SAP130: variants seen among roughly 807,000 people sequenced by gnomAD.
SAP130 encodes histone deacetylase complex subunit SAP130.
Under a neutral mutation model 103.2 loss-of-function variants are expected in SAP130, and 16 were observed. That is an observed-to-expected ratio of 0.16 (90% CI 0.10 to 0.24). SAP130 has a LOEUF of 0.24. Among genes scored for constraint, SAP130 ranks in the 10% least tolerant of loss-of-function variants. The pLI is 1.00. For missense variants in SAP130, 990 were observed against 1,359.7 expected, an observed-to-expected ratio of 0.73 and a Z score of 4.28; for synonymous variants, 477 against 497.0, an observed-to-expected ratio of 0.96 and a Z score of 0.53.
At chr2:128,005,411 G>A (rs1208942783) in intron 7 of SAP130, among the ~76,000 whole-genome samples, 1 of 152,070 alleles carries the variant, frequency 6.6e-6, no homozygotes, top group Non-Finnish European at 1.5e-5. Flanking sequence ...GAGGTCAGGA[G>A]TTCGAGACCA....
chr2:127,996,618 AAAAAATG>A lies in SAP130; in HGVS notation c.1214-134_1214-128del, dbSNP rs1277984681. ...ATAAGCCTGGATTTTTAATCAAAATAAAAAATGAAAAATAAGTACAAAGTTCAACAGA... is the reference window on the plus strand; with the variant it reads ...ATAAGCCTGGATTTTTAATCAAAATAAAAAATAAGTACAAAGTTCAACAGA... On this transcript the variant is annotated intron_variant, in intron 10 of 20. Coordinates refer to ENST00000643581, the MANE Select transcript of SAP130 (RefSeq NM_001330301.2). The surrounding 1 kb of genome is among the most constrained non-coding windows in gnomAD (Gnocchi z 4.3). The A allele has an allele frequency of 1.2e-5, 10 of 845,634 alleles. No individual in the cohort carries two copies. Among genetic ancestry groups the A allele is most frequent in the Middle Eastern group, 3.8e-4 (1 of 2,654 alleles). 52.4% of individuals were successfully genotyped at this position (845,634 alleles called of 1,614,324 possible).
rs772208927 is a variant in SAP130, at chr2:128,000,069, T to C, written c.1095A>G (p.Ser365=). ...APILATNTIP[S]ATTAGSVSHT... ...TCGTGGACTTACCAGCTGTGGTCGCTGAAGGAATGGTGTTGGTTGCCAAAA... is the reference window on the plus strand; with the variant it reads ...TCGTGGACTTACCAGCTGTGGTCGCCGAAGGAATGGTGTTGGTTGCCAAAA... The change falls in exon 9 of 21, where the codon TCA becomes TCG. Residue 365 remains serine (S), a synonymous_variant. Coordinates refer to ENST00000643581, the MANE Select transcript of SAP130 (RefSeq NM_001330301.2). The C allele has an allele frequency of 3.1e-6, 5 of 1,614,082 alleles. No homozygotes were observed. In the East Asian group the frequency reaches 1.1e-4, roughly 36 times the overall value.
chr2:128,019,986 ATTT>A (rs932425342), intron 2 of SAP130, among the ~76,000 whole-genome samples: 11 of 152,048 alleles, frequency 7.2e-5, no homozygotes, highest in African/African-American at 2.4e-4. Flanking sequence ...TTCCAAAATA[ATTT>A]TTTTTCTGAG....
chr2:127,996,210 C>A lies in SAP130; in HGVS notation c.1355+140G>T. The stretch of plus-strand genomic sequence containing the variant: ...ATCGCACATAAAAAAAGGAATTATA[C>A]GAAGTGTTACTTTCAGGGGAAAATC... On this transcript the variant is annotated intron_variant, in intron 11 of 20. Coordinates refer to ENST00000643581, the MANE Select transcript of SAP130 (RefSeq NM_001330301.2). This position sits in a 1 kb window ranked among gnomAD's most constrained non-coding sequence, Gnocchi z 4.3. 1.6e-5 allele frequency: 9 copies of A among 560,712 alleles called. No homozygotes were observed. The highest frequency in any genetic ancestry group is 6.9e-5 in the East Asian group (1 of 14,460). 34.7% of individuals were successfully genotyped at this position (560,712 alleles called of 1,614,324 possible).
intron 16 of SAP130, 63 bp downstream of exon 16, chr2:127,954,923 G>C: frequency 1.6e-6 from 2 of 1,254,598 alleles, no homozygotes; most frequent in Non-Finnish European, 2.3e-6. Context: ...CTGGATGCTG[G>C]AGGAGAATTA....
intron 14 of SAP130, among the ~76,000 whole-genome samples, chr2:127,980,560 A>G (rs2104939486): frequency 6.6e-6 from 1 of 152,312 alleles, no homozygotes; most frequent in East Asian, 1.9e-4. Flanking sequence ...ATGCACAAAA[A>G]TGTTCAGGGT....
chr2:127,995,838 C>CTGA (rs1275139673), intron 11 of SAP130, among the ~76,000 whole-genome samples: 5 of 152,138 alleles, frequency 3.3e-5, no homozygotes, highest in African/African-American at 4.8e-5. Context: ...CATGAGCTCT[C>CTGA]TGATGCAATG....
chr2:128,021,251 A>C (rs1299390702), intron 2 of SAP130, among the ~76,000 whole-genome samples: 1 of 151,986 alleles, frequency 6.6e-6, no homozygotes, highest in Non-Finnish European at 1.5e-5. Context: ...GTTTGAGACC[A>C]GCCTGGACAA....
At chr2:127,993,428 T>G in intron 11 of SAP130, 120 bp from the exon 12 acceptor site, 1 of 1,120,450 alleles carries the variant, frequency 8.9e-7, no homozygotes, top group East Asian at 2.8e-5. Flanking sequence ...TTGCTCAAAT[T>G]GTGTCCCAAA....
In SAP130 at chr2:127,942,565, T is replaced by C; in HGVS notation, c.2902-28A>G. 1 of 1,358,926 alleles carries C rather than the reference T, an allele frequency of 7.4e-7. No individual in the cohort carries two copies. The highest frequency in any genetic ancestry group is 1.1e-6 in the Non-Finnish European group (1 of 948,494). The allele number at this position is 1,358,926 out of a possible 1,614,324, so 84.2% of individuals were successfully genotyped here. A position where few individuals can be genotyped will look rare whatever the true frequency, so the allele number is the denominator to read the frequency against. ...GCAACACACAAAAGGGAGGGTATCATAAGCTCGGAAATATTTTTCTATGTC... is the reference window on the plus strand; with the variant it reads ...GCAACACACAAAAGGGAGGGTATCACAAGCTCGGAAATATTTTTCTATGTC... On this transcript the variant is annotated intron_variant, in intron 19 of 20. Transcript: ENST00000643581. The surrounding 1 kb of genome is among the most constrained non-coding windows in gnomAD (Gnocchi z 4.8).
At chr2:128,014,612 T>C (rs1342927018) in intron 5 of SAP130, among the ~76,000 whole-genome samples, 191 bp downstream of exon 5, 1 of 152,196 alleles carries the variant, frequency 6.6e-6, no homozygotes, top group Non-Finnish European at 1.5e-5. Flanking sequence ...GTTGGGTTTA[T>C]AGACATGAAC....
Position 128,017,668 on chromosome 2 carries a change from C to A in SAP130, c.348+12G>T. On this transcript the variant is annotated intron_variant, in intron 3 of 20. Transcript: ENST00000643581. Reference sequence around the variant, plus strand: ...CTCTGGTTCAGTGTGAAGTTTTAACCCTCTCCATTACCTTCATAAGTCCCT... The same window carrying A: ...CTCTGGTTCAGTGTGAAGTTTTAACACTCTCCATTACCTTCATAAGTCCCT... The A allele has an allele frequency of 6.2e-7, 1 of 1,610,624 alleles. No individual in the cohort carries two copies. The highest frequency in any genetic ancestry group is 8.5e-7 in the Non-Finnish European group (1 of 1,176,874).
intron 15 of SAP130, among the ~76,000 whole-genome samples, chr2:127,970,608 C>T (rs1347809569): frequency 1.3e-5 from 2 of 150,404 alleles, no homozygotes; most frequent in African/African-American, 2.5e-5. Flanking sequence ...CCCAGGTACT[C>T]GGAAGGCTAA....
At chr2:127,964,494 CAAAAAAAAAAAAA>C (rs55755397) in intron 15 of SAP130, among the ~76,000 whole-genome samples, 2 of 69,910 alleles carry the variant, frequency 2.9e-5, no homozygotes, top group Non-Finnish European at 5.2e-5. Flanking sequence ...AACTCCATCT[CAAAAAAAAAAAAA>C]AAAAAAAAAA....
In SAP130 at chr2:127,989,109, T is replaced by G. The variant is rs1011959573; in HGVS notation, c.1780+455A>C. ...TGTTGATGTATACTGTATCTTTTTT[T>G]TTTTTTGGAGACAGAGTCTCACTCT... On this transcript the variant is annotated intron_variant, in intron 13 of 20. Transcript: ENST00000643581. The surrounding 1 kb of genome is among the most constrained non-coding windows in gnomAD (Gnocchi z 4.6). Among the ~76,000 whole-genome samples, 1 of 151,984 alleles carries G rather than the reference T, an allele frequency of 6.6e-6. No homozygotes were observed. Among genetic ancestry groups the G allele is most frequent in the Non-Finnish European group, 1.5e-5 (1 of 67,970 alleles).
intron 10 of SAP130, among the ~76,000 whole-genome samples, chr2:127,998,200 T>A (rs1278367449): frequency 6.6e-6 from 1 of 152,184 alleles, no homozygotes; most frequent in Admixed American, 6.5e-5. Flanking sequence ...TCTGCCATAA[T>A]GTTATCTCCA....
intron 15 of SAP130, among the ~76,000 whole-genome samples, chr2:127,974,034 C>T (rs1240809328): frequency 6.6e-6 from 1 of 152,122 alleles, no homozygotes; most frequent in Admixed American, 6.6e-5. Context: ...GAGTGAGACC[C>T]TATTTCATTA....
At chr2:128,002,012 C>G (rs917406124) in intron 7 of SAP130, among the ~76,000 whole-genome samples, 3 of 152,014 alleles carry the variant, frequency 2.0e-5, no homozygotes, top group Non-Finnish European at 2.9e-5. Context: ...CTGCAACCTC[C>G]ACCTCCCAGG....
chr2:128,005,952 A>G (rs1461213250), intron 7 of SAP130, among the ~76,000 whole-genome samples: 2 of 152,170 alleles, frequency 1.3e-5, no homozygotes, highest in East Asian at 1.9e-4. Context: ...TATGCTACAG[A>G]TTGAAAAGGC....
Sources: gnomAD v4.1 joint callset for allele counts (sites outside exome capture counted in the v4.1 genomes callset) on GRCh38, gnomAD v4.1.1 for gene constraint, Gnocchi (gnomAD v3.1) non-coding constraint, MANE v1.5 for transcripts, NCBI Gene and HGNC (gene_info 2026-07-23, HGNC 2026-07-21) for gene names.